ST8SIA5: variants seen among roughly 807,000 people sequenced by gnomAD.
ST8SIA5 encodes alpha-2,8-sialyltransferase 8E.
A neutral mutation model predicts 40.2 loss-of-function variants in ST8SIA5; 24 were observed. The ratio of observed to expected loss-of-function variants is 0.60; its 90% CI spans 0.43 to 0.84. ST8SIA5 has a LOEUF of 0.84. Ranked by LOEUF, ST8SIA5 falls within the 40% of genes least tolerant of loss-of-function variation. The pLI is 0.00. For missense variants in ST8SIA5, 465 were observed against 498.5 expected (o/e 0.93, Z 0.64); for synonymous variants, 198 against 201.8 (o/e 0.98, Z 0.16).
chr18:46,738,621 C>T (rs920080140), intron 1 of ST8SIA5, among the ~76,000 whole-genome samples: 1 of 152,148 alleles, frequency 6.6e-6, no homozygotes, highest in African/African-American at 2.4e-5. Flanking sequence ...CTCTGCTGAC[C>T]CACCACACAC....
rs140331724 is a variant in ST8SIA5 at position 46,692,234 on chromosome 18, G to C, written c.246C>G (p.Phe82Leu). The part of the protein sequence containing the change: ...VLSMVKQSEL[F>L]DRWKSLQMCK... ...ACATCTGGAGGCTCTTCCACCTGTC[G>C]AACAGCTCTGACTGCTTCACCCTTG... is the stretch of plus-strand genomic sequence containing the variant. The change falls in exon 3 of 7, where the codon TTC (phenylalanine) becomes TTG (leucine). Residue 82 changes from phenylalanine to leucine, a missense_variant. Transcript: ENST00000315087. The C allele has an allele frequency of 2.5e-6, 4 of 1,614,064 alleles. No individual in the cohort carries two copies. Among genetic ancestry groups the C allele is most frequent in the Non-Finnish European group, 3.4e-6 (4 of 1,180,006 alleles).
chr18:46,682,357 AT>A (rs2039405969), intron 5 of ST8SIA5, among the ~76,000 whole-genome samples: 1 of 152,188 alleles, frequency 6.6e-6, no homozygotes, highest in African/African-American at 2.4e-5. Flanking sequence ...GGATGGGATT[AT>A]GGCTCTTAGA....
rs2039328938 is a variant in ST8SIA5, at chr18:46,674,597, A to G, written c.*5445T>C. ...TGGCCATGGCATGTGCTTCCCCGCC[A>G]GTGCTGGCAATACAAAATGAGCTTA... On this transcript the variant is annotated 3_prime_UTR_variant, in exon 7 of 7. Coordinates refer to ENST00000315087, the MANE Select transcript of ST8SIA5 (RefSeq NM_013305.6). The G allele has an allele frequency of 6.6e-6, 1 of 152,310 alleles. No homozygotes were observed. Among genetic ancestry groups the G allele is most frequent in the Non-Finnish European group, 1.5e-5 (1 of 68,092 alleles). 9.4% of individuals were successfully genotyped at this position (152,310 alleles called of 1,614,324 possible). A position where few individuals can be genotyped will look rare whatever the true frequency, so the allele number is the denominator to read the frequency against.
chr18:46,671,624 C>A lies in ST8SIA5; in HGVS notation c.*8418G>T, dbSNP rs1317915462. On this transcript the variant is annotated 3_prime_UTR_variant, in exon 7 of 7. Transcript: ENST00000315087. ...TGCTGCAGATCCACCAACCCCTTAG[C>A]TCAGATCACTAAATGCATCCTAATC... 1.3e-5 allele frequency: 2 copies of A among 152,250 alleles called. No homozygotes were observed. The highest frequency in any genetic ancestry group is 4.8e-5 in the African/African-American group (2 of 41,462). The allele number at this position is 152,250 out of a possible 1,614,324, so 9.4% of individuals were successfully genotyped here. A position where few individuals can be genotyped will look rare whatever the true frequency, so the allele number is the denominator to read the frequency against.
At chr18:46,754,763 C>T (rs16940040) in intron 1 of ST8SIA5, among the ~76,000 whole-genome samples, 14,490 of 152,258 alleles carry the variant, frequency 0.095, 950 homozygotes, top group East Asian at 0.24. Context: ...TTGTATTTTC[C>T]CCCTGTTGAC....
chr18:46,748,347 T>C (rs1032839082), intron 1 of ST8SIA5, among the ~76,000 whole-genome samples: 6 of 151,962 alleles, frequency 3.9e-5, no homozygotes, highest in Non-Finnish European at 7.4e-5. Context: ...GTGGATCACC[T>C]GAGATTAGGA....
chr18:46,724,562 T>G (rs1449849628), intron 1 of ST8SIA5, among the ~76,000 whole-genome samples: 1 of 152,248 alleles, frequency 6.6e-6, no homozygotes, highest in Non-Finnish European at 1.5e-5. Context: ...ATCACCAAGG[T>G]ATTTCTTGGA....
In ST8SIA5 at chr18:46,671,397, C is replaced by CTG. The variant is rs10633981; in HGVS notation, c.*8643_*8644dup. 106,208 of 152,026 alleles carry CTG rather than the reference C, an allele frequency of 0.7. 37,293 individuals carry two copies. Among genetic ancestry groups the CTG allele is most frequent in the East Asian group, 0.81 (4,211 of 5,174 alleles). 9.4% of individuals were successfully genotyped at this position (152,026 alleles called of 1,614,324 possible). On this transcript the variant is annotated 3_prime_UTR_variant, in exon 7 of 7. Transcript: ENST00000315087. The stretch of plus-strand genomic sequence containing the variant: ...TCCTGGGCTCACGGCAGTCCTGGTG[C>CTG]TGTGTTTCCTCATTGCTACCTTCCA...
intron 1 of ST8SIA5, among the ~76,000 whole-genome samples, chr18:46,716,251 A>G (rs911447769): frequency 3.9e-5 from 6 of 152,196 alleles, no homozygotes; most frequent in African/African-American, 1.4e-4. Context: ...GTTTGAGGGT[A>G]AGGACTGAAT....
intron 5 of ST8SIA5, among the ~76,000 whole-genome samples, chr18:46,684,024 G>C (rs960426863): frequency 3.3e-5 from 5 of 151,968 alleles, no homozygotes; most frequent in African/African-American, 1.2e-4. Flanking sequence ...GAGTCTCAGG[G>C]CATCTTGGCG....
Position 46,680,168 on chromosome 18 carries a change from G to T in ST8SIA5, c.1005C>A (p.His335Gln), listed in dbSNP as rs182902929. ...PMNPSGLYIT[H>Q]HYYDNVKPRP... is the part of the protein sequence containing the mutation. ...GCGGCTTGACGTTGTCATAGTAGTGGTGAGTGATGTAGAGGCCCGAGGGGT... is the reference window on the plus strand; with the variant it reads ...GCGGCTTGACGTTGTCATAGTAGTGTTGAGTGATGTAGAGGCCCGAGGGGT... The change falls in exon 7 of 7, where the codon CAC (histidine) becomes CAA (glutamine). Residue 335 changes from histidine to glutamine, a missense_variant. By Grantham distance (24) the His-to-Gln change is conservative. Coordinates refer to ENST00000315087, the MANE Select transcript of ST8SIA5 (RefSeq NM_013305.6). The T allele has an allele frequency of 1.4e-5, 23 of 1,614,148 alleles. No homozygotes were observed. Among genetic ancestry groups the T allele is most frequent in the East Asian group, 8.9e-5 (4 of 44,890 alleles).
intron 1 of ST8SIA5, among the ~76,000 whole-genome samples, chr18:46,725,022 A>AGGAAGGAG (rs2039901559): frequency 6.7e-6 from 1 of 150,038 alleles, no homozygotes; most frequent in Non-Finnish European, 1.5e-5. Context: ...GAAGGAAGGA[A>AGGAAGGAG]GGAAGGAAGG....
intron 1 of ST8SIA5, among the ~76,000 whole-genome samples, chr18:46,733,923 G>T (rs896393806): frequency 6.6e-6 from 1 of 152,078 alleles, no homozygotes; most frequent in Non-Finnish European, 1.5e-5. Flanking sequence ...TTCATCTCTG[G>T]AGGAGCCAAG....
intron 1 of ST8SIA5, among the ~76,000 whole-genome samples, chr18:46,725,967 A>AT (rs2039914954): frequency 4.4e-5 from 2 of 45,768 alleles, no homozygotes; most frequent in African/African-American, 2.3e-4. Context: ...CTTAAAAAAA[A>AT]AAAAAATATA....
intron 2 of ST8SIA5, among the ~76,000 whole-genome samples, chr18:46,698,182 T>A: frequency 1.8e-5 from 2 of 110,962 alleles, no homozygotes; most frequent in Admixed American, 9.6e-5. Context: ...ACAACAATAA[T>A]CCAATAACTC....
At chr18:46,680,585 C>T in intron 6 of ST8SIA5, 75 bp from the exon 7 acceptor site, 1 of 1,430,012 alleles carries the variant, frequency 7.0e-7, no homozygotes. Context: ...CACCCTTGCA[C>T]CCTGGGGCTT....
At chr18:46,726,336 G>A (rs1193977053) in intron 1 of ST8SIA5, among the ~76,000 whole-genome samples, 9 of 152,070 alleles carry the variant, frequency 5.9e-5, no homozygotes, top group Non-Finnish European at 1.2e-4. Flanking sequence ...ACAGCAAAGA[G>A]CAAACGCTTG....
chr18:46,699,470 G>C lies in ST8SIA5; in HGVS notation c.224+5102C>G, dbSNP rs550185425. Among the ~76,000 whole-genome samples, 400 of 150,466 alleles carry C rather than the reference G, an allele frequency of 2.7e-3. 4 individuals are homozygous for C. The highest frequency in any genetic ancestry group is 9.6e-3 in the African/African-American group (391 of 40,870). ...TCTCGGCTCACTGCAAGCTCCGCCT[G>C]CTGGGTTCACGCCATTCTCCTGTCT... is the stretch of plus-strand genomic sequence containing the variant. On this transcript the variant is annotated intron_variant, in intron 2 of 6. Transcript: ENST00000315087.
intron 1 of ST8SIA5, among the ~76,000 whole-genome samples, chr18:46,755,972 A>G (rs1052513586): frequency 2.0e-5 from 3 of 152,022 alleles, no homozygotes; most frequent in African/African-American, 7.2e-5. Flanking sequence ...TTATAAACAA[A>G]CAAACAAACA....
Sources: allele counts gnomAD v4.1 joint callset (sites outside exome capture counted in the v4.1 genomes callset), GRCh38; gene constraint gnomAD v4.1.1; transcripts MANE v1.5; gene names NCBI Gene and HGNC (gene_info 2026-07-23, HGNC 2026-07-21).